The following GPR158 variants were observed in gnomAD, a reference collection of about 807,000 sequenced individuals.
GPR158 encodes the protein G protein-coupled receptor 158, also known as metabotropic glycine receptor.
GPR158 carries 30 observed loss-of-function variants against 78.2 expected under a neutral mutation model. The observed-to-expected ratio is 0.38, with a 90% CI of 0.29 to 0.52. GPR158 has a LOEUF of 0.52. GPR158 is among the 20% of genes least tolerant of loss of function. GPR158 has a pLI of 0.83. For missense variants in GPR158, 1,463 were observed against 1,523.5 expected (o/e 0.96, Z 0.66); for synonymous variants, 581 against 591.1 (o/e 0.98, Z 0.25).
At chr10:25,259,546 C>T (rs1853940321) in intron 2 of GPR158, among the ~76,000 whole-genome samples, 1 of 152,058 alleles carries the variant, frequency 6.6e-6, no homozygotes, top group African/African-American at 2.4e-5. Context: ...AAAAAAAGTT[C>T]CTTGTGATTC....
intron 3 of GPR158, among the ~76,000 whole-genome samples, chr10:25,406,564 T>A (rs1325421250): frequency 6.6e-6 from 1 of 152,178 alleles, no homozygotes; most frequent in Non-Finnish European, 1.5e-5. Context: ...GCCAGAGAAC[T>A]GTGGTCAGTG....
chr10:25,187,846 C>T (rs1852709857), intron 1 of GPR158, among the ~76,000 whole-genome samples: 1 of 152,132 alleles, frequency 6.6e-6, no homozygotes. Flanking sequence ...TCAAATTGTC[C>T]CTGTTTGCAG....
chr10:25,433,694 CTTT>C (rs3082190), intron 4 of GPR158, among the ~76,000 whole-genome samples: 2 of 109,848 alleles, frequency 1.8e-5, no homozygotes, highest in Non-Finnish European at 3.5e-5. Flanking sequence ...TTCTTTCTTT[CTTT>C]TTTTTTTTTT....
At chr10:25,505,316 G>A (rs1835996126) in intron 5 of GPR158, among the ~76,000 whole-genome samples, 1 of 152,192 alleles carries the variant, frequency 6.6e-6, no homozygotes, top group African/African-American at 2.4e-5. Flanking sequence ...TTCTAAGACT[G>A]TAGAATAACT....
chr10:25,341,041 AAGTC>A (rs1286950046), intron 2 of GPR158, among the ~76,000 whole-genome samples: 4 of 152,086 alleles, frequency 2.6e-5, no homozygotes, highest in Non-Finnish European at 5.9e-5. Flanking sequence ...TGGAAGGCAG[AAGTC>A]AGTGTAATGA....
At chr10:25,501,727 G>T (rs1835948007) in intron 5 of GPR158, among the ~76,000 whole-genome samples, 1 of 152,120 alleles carries the variant, frequency 6.6e-6, no homozygotes, top group Admixed American at 6.5e-5. Flanking sequence ...CTGCAAACTG[G>T]GTTGATGAGG....
At chr10:25,406,761 C>A (rs1834521674) in intron 3 of GPR158, among the ~76,000 whole-genome samples, 1 of 151,962 alleles carries the variant, frequency 6.6e-6, no homozygotes, top group Non-Finnish European at 1.5e-5. Context: ...TTCCAGTTTA[C>A]AAAACTGTAT....
chr10:25,290,056 TCACAAA>T, intron 2 of GPR158, among the ~76,000 whole-genome samples: 1 of 152,262 alleles, frequency 6.6e-6, no homozygotes, highest in African/African-American at 2.4e-5. Context: ...CCCTATGAGG[TCACAAA>T]CACAAAGTAA....
At chr10:25,510,579 T>G (rs1365926824) in intron 5 of GPR158, among the ~76,000 whole-genome samples, 5 of 152,206 alleles carry the variant, frequency 3.3e-5, no homozygotes, top group African/African-American at 2.4e-5. Flanking sequence ...AATAGTTTTT[T>G]GGGGAACAGG....
At chr10:25,425,578 TA>T (rs564240423) in intron 4 of GPR158, among the ~76,000 whole-genome samples, 108 of 151,744 alleles carry the variant, frequency 7.1e-4, no homozygotes, top group African/African-American at 2.3e-3. Context: ...AAAGCTCCTG[TA>T]GAGCAAAAGA....
chr10:25,546,981 C>T (rs1386892580), intron 5 of GPR158, among the ~76,000 whole-genome samples: 1 of 152,098 alleles, frequency 6.6e-6, no homozygotes, highest in Admixed American at 6.6e-5. Flanking sequence ...AAGACTCTTG[C>T]TAACCATCTT....
rs951057240 is a variant in GPR158 at position 25,443,407 on chromosome 10, T to C, written c.1336-23244T>C. 4.6e-5 allele frequency among the ~76,000 whole-genome samples: 7 copies of C among 151,618 alleles called. No homozygotes were observed. The East Asian group carries it at 1.4e-3, about 29-fold the overall frequency. The stretch of plus-strand genomic sequence containing the variant: ...CCACCTCTATTAAAAATATAAAAAT[T>C]AGCCAGGCATGGTAGCACCAGCCTG... On this transcript the variant is annotated intron_variant, in intron 4 of 10. Coordinates refer to ENST00000376351, the MANE Select transcript of GPR158 (RefSeq NM_020752.3).
intron 2 of GPR158, among the ~76,000 whole-genome samples, chr10:25,384,625 A>G (rs1422691069): frequency 6.6e-6 from 1 of 152,054 alleles, no homozygotes; most frequent in Admixed American, 6.6e-5. Flanking sequence ...TTTTTTTCTG[A>G]CACCTCTTTT....
intron 5 of GPR158, among the ~76,000 whole-genome samples, chr10:25,531,251 G>A (rs372574261): frequency 2.6e-5 from 4 of 152,182 alleles, no homozygotes; most frequent in African/African-American, 7.2e-5. Context: ...GACACATTCA[G>A]TTATGTTGTC....
chr10:25,252,633 AG>A (rs1164582627), intron 2 of GPR158, among the ~76,000 whole-genome samples: 1 of 152,118 alleles, frequency 6.6e-6, no homozygotes, highest in African/African-American at 2.4e-5. Flanking sequence ...CTCAGGGGTC[AG>A]GGGTCAGGGA....
At chr10:25,591,135 G>A (rs149168483) in intron 8 of GPR158, among the ~76,000 whole-genome samples, 407 of 152,146 alleles carry the variant, frequency 2.7e-3, no homozygotes, top group African/African-American at 8.1e-3. Context: ...TCACTTTTAG[G>A]TGTTTATGTG....
chr10:25,211,003 G>T (rs1338205734), intron 1 of GPR158, among the ~76,000 whole-genome samples: 1 of 152,006 alleles, frequency 6.6e-6, no homozygotes, highest in African/African-American at 2.4e-5. Context: ...GTGGTGGCAG[G>T]CGCCTGTAGT....
chr10:25,575,909 A>C (rs1837087345), intron 7 of GPR158, among the ~76,000 whole-genome samples: 1 of 152,102 alleles, frequency 6.6e-6, no homozygotes, highest in Non-Finnish European at 1.5e-5. Flanking sequence ...ATATTATCTA[A>C]GGTAACACCA....
At chr10:25,371,148 G>A (rs1325638259) in intron 2 of GPR158, among the ~76,000 whole-genome samples, 20 of 146,706 alleles carry the variant, frequency 1.4e-4, no homozygotes, top group African/African-American at 3.8e-4. Context: ...TCTTTTAATT[G>A]GAGCACTTAG....
Sources: allele counts gnomAD v4.1 joint callset (sites outside exome capture counted in the v4.1 genomes callset), GRCh38; gene constraint gnomAD v4.1.1; transcripts MANE v1.5; gene names NCBI Gene and HGNC (gene_info 2026-07-23, HGNC 2026-07-21).